The following LRRC4C variants were observed in gnomAD, a reference collection of about 807,000 sequenced individuals.
LRRC4C encodes leucine rich repeat containing 4C, also known as leucine-rich repeat-containing protein 4C.
A neutral mutation model predicts 33.6 loss-of-function variants in LRRC4C; 5 were observed. The observed-to-expected ratio is 0.15, with a 90% CI of 0.08 to 0.31. The LOEUF is 0.31. Ranked by LOEUF, LRRC4C falls within the 10% of genes least tolerant of loss-of-function variation. The probability of loss-of-function intolerance (pLI) is 1.00; values close to 1 mark genes in which losing one functional copy is unlikely to be tolerated. For missense variants in LRRC4C, 560 were observed against 796.7 expected (o/e 0.70, Z 3.58); for synonymous variants, 329 against 302.0 (o/e 1.09, Z -0.93).
chr11:40,914,393 A>T (rs1237410871), intron 2 of LRRC4C, among the ~76,000 whole-genome samples: 1 of 152,222 alleles, frequency 6.6e-6, no homozygotes, highest in African/African-American at 2.4e-5. Flanking sequence ...CTGGTTCAAC[A>T]TATGCAAATC....
At chr11:41,222,048 A>G (rs772055551) in intron 1 of LRRC4C, among the ~76,000 whole-genome samples, 6 of 152,210 alleles carry the variant, frequency 3.9e-5, no homozygotes, top group Admixed American at 2.6e-4. Flanking sequence ...AGCAGAGAGT[A>G]GAAGAATGGT....
chr11:40,856,478 T>C (rs1354823877), intron 2 of LRRC4C, among the ~76,000 whole-genome samples: 1 of 152,240 alleles, frequency 6.6e-6, no homozygotes, highest in African/African-American at 2.4e-5. Context: ...GCGCATTTTA[T>C]CTTGTGCTTC....
intron 2 of LRRC4C, among the ~76,000 whole-genome samples, chr11:40,794,518 A>C (rs1275727611): frequency 1.3e-5 from 2 of 152,098 alleles, no homozygotes; most frequent in Non-Finnish European, 2.9e-5. Flanking sequence ...TTTTTGTAGC[A>C]ATTTTGTCTG....
intron 4 of LRRC4C, among the ~76,000 whole-genome samples, chr11:40,312,427 T>C (rs747836336): frequency 2.6e-5 from 4 of 152,224 alleles, no homozygotes; most frequent in East Asian, 1.9e-4. Context: ...AGATAATTCA[T>C]GTAAAGGAGC....
intron 2 of LRRC4C, among the ~76,000 whole-genome samples, chr11:40,924,016 G>T (rs1957301571): frequency 6.7e-6 from 1 of 150,208 alleles, no homozygotes; most frequent in South Asian, 2.1e-4. Flanking sequence ...GTAATTAAAG[G>T]AAATAAAGTC....
chr11:40,186,355 G>T lies in LRRC4C; in HGVS notation c.-95-45502C>A, dbSNP rs149190757. Among the ~76,000 whole-genome samples, 538 of 152,160 alleles carry T rather than the reference G, an allele frequency of 3.5e-3. 3 individuals are homozygous for T. The highest frequency in any genetic ancestry group is 0.012 in the African/African-American group (508 of 41,496). On this transcript the variant is annotated intron_variant, in intron 5 of 6. Coordinates refer to ENST00000528697, the MANE Select transcript of LRRC4C (RefSeq NM_001258419.2). ...TTAAGCTTTTTATTTTTCCCAGCAA[G>T]GATGCCAGGAAGAAGACCGAGACAG...
chr11:40,903,418 C>G (rs1221989710), intron 2 of LRRC4C, among the ~76,000 whole-genome samples: 1 of 152,340 alleles, frequency 6.6e-6, no homozygotes, highest in South Asian at 2.1e-4. Context: ...AACACATCAT[C>G]CATTCTGCAA....
intron 3 of LRRC4C, among the ~76,000 whole-genome samples, chr11:40,498,411 A>G (rs1266998537): frequency 6.6e-6 from 1 of 152,186 alleles, no homozygotes; most frequent in African/African-American, 2.4e-5. Context: ...AGTTTAGTTG[A>G]ACTTCGTGTA....
chr11:40,351,931 A>G (rs1947410014), intron 3 of LRRC4C, among the ~76,000 whole-genome samples: 1 of 151,920 alleles, frequency 6.6e-6, no homozygotes, highest in Non-Finnish European at 1.5e-5. Flanking sequence ...TTACAGGTGA[A>G]GTGTGTTTCT....
intron 3 of LRRC4C, among the ~76,000 whole-genome samples, chr11:40,345,401 T>C (rs1947079743): frequency 6.6e-6 from 1 of 152,102 alleles, no homozygotes; most frequent in African/African-American, 2.4e-5. Context: ...GCCATATTCA[T>C]ACACCCATCT....
chr11:41,165,554 A>G (rs1258136880), intron 1 of LRRC4C, among the ~76,000 whole-genome samples: 1 of 152,156 alleles, frequency 6.6e-6, no homozygotes, highest in African/African-American at 2.4e-5. Context: ...CTGAGGCTCA[A>G]AAAGTTTCAA....
Position 40,444,078 on chromosome 11 carries a change from A to C in LRRC4C, c.-269-124357T>G, listed in dbSNP as rs116001322. Among the ~76,000 whole-genome samples the C allele has an allele frequency of 8.0e-3, 1,224 of 152,308 alleles. 15 individuals carry two copies. The highest frequency in any genetic ancestry group is 0.027 in the African/African-American group (1,139 of 41,576). ...CTTACAGGGGATAAAAGGATGAATA[A>C]TATTTTCTGACATTTATTGAGTGTG... On this transcript the variant is annotated intron_variant, in intron 3 of 6. Coordinates refer to ENST00000528697, the MANE Select transcript of LRRC4C (RefSeq NM_001258419.2).
intron 2 of LRRC4C, among the ~76,000 whole-genome samples, chr11:40,664,644 A>C (rs922466405): frequency 6.6e-6 from 1 of 152,174 alleles, no homozygotes; most frequent in Non-Finnish European, 1.5e-5. Flanking sequence ...TATCAGCAAT[A>C]TAAGAAACCC....
At chr11:40,962,109 A>AT (rs1233958428) in intron 1 of LRRC4C, among the ~76,000 whole-genome samples, 1 of 151,596 alleles carries the variant, frequency 6.6e-6, no homozygotes, top group Non-Finnish European at 1.5e-5. Context: ...GTTAGTTTAT[A>AT]TGGTAAAAAA....
chr11:41,365,537 G>T (rs1250720547), intron 1 of LRRC4C, among the ~76,000 whole-genome samples: 1 of 152,050 alleles, frequency 6.6e-6, no homozygotes, highest in East Asian at 1.9e-4. Flanking sequence ...GGGACCACTA[G>T]ACTAGTGTGT....
At chr11:40,656,392 C>G (rs1943114138) in intron 2 of LRRC4C, among the ~76,000 whole-genome samples, 1 of 151,548 alleles carries the variant, frequency 6.6e-6, no homozygotes, top group African/African-American at 2.4e-5. Flanking sequence ...TGCATCACTT[C>G]TCAACAAGCA....
chr11:41,341,889 A>G (rs1951651279), intron 1 of LRRC4C, among the ~76,000 whole-genome samples: 1 of 152,226 alleles, frequency 6.6e-6, no homozygotes, highest in Admixed American at 6.5e-5. Context: ...CAGGTAACTC[A>G]CGTTTTGATT....
chr11:41,370,666 T>G (rs1013677352), intron 1 of LRRC4C, among the ~76,000 whole-genome samples: 1 of 152,170 alleles, frequency 6.6e-6, no homozygotes, highest in Non-Finnish European at 1.5e-5. Flanking sequence ...GTCTTGGGTA[T>G]GTCTTTATCA....
chr11:40,810,881 C>T (rs1055189604), intron 2 of LRRC4C, among the ~76,000 whole-genome samples: 1 of 152,106 alleles, frequency 6.6e-6, no homozygotes, highest in African/African-American at 2.4e-5. Flanking sequence ...GTCCAGAATA[C>T]TTTTTTCCAA....
Sources: allele counts gnomAD v4.1 joint callset (sites outside exome capture counted in the v4.1 genomes callset), GRCh38; gene constraint gnomAD v4.1.1; transcripts MANE v1.5; gene names NCBI Gene and HGNC (gene_info 2026-07-23, HGNC 2026-07-21).